Variants in ATP6V0A2 observed in about 807,000 individuals in gnomAD.
The protein encoded by ATP6V0A2 is ATPase H+ transporting V0 subunit a2.
ATP6V0A2 carries 58 observed loss-of-function variants against 104.4 expected under a neutral mutation model. The observed-to-expected ratio is 0.56, with a 90% confidence interval of 0.45 to 0.69. The LOEUF is 0.69. ATP6V0A2 is among the 30% of genes least tolerant of loss of function. The pLI is 0.00. For synonymous variants in ATP6V0A2, 376 were observed against 397.9 expected (o/e 0.95, Z 0.65); for missense variants, 938 against 1,062.9 (o/e 0.88, Z 1.63).
chr12:123,713,198 C>G (rs1025593342), intron 1 of ATP6V0A2, among the ~76,000 whole-genome samples: 1 of 151,964 alleles, frequency 6.6e-6, no homozygotes, highest in Admixed American at 6.6e-5. Context: ...TGGGGAAGAT[C>G]TGGGGAGAGG....
rs1483553812 is a variant in ATP6V0A2, at chr12:123,712,587, G to T, written c.22G>T (p.Glu8Ter). The T allele has an allele frequency of 1.9e-6, 3 of 1,599,286 alleles. No homozygotes were observed. The highest frequency in any genetic ancestry group is 1.3e-5 in the African/African-American group (1 of 74,628). ...CGCCATGGGGTCCCTGTTCCGGAGCGAGACCATGTGCCTGGCGCAGCTCTT... is the reference window on the plus strand; with the variant it reads ...CGCCATGGGGTCCCTGTTCCGGAGCTAGACCATGTGCCTGGCGCAGCTCTT... MGSLFRS[E>*]TMCLAQLFLQ... The change falls in exon 1 of 20, where the codon GAG (glutamate) becomes TAG (stop). Residue 8 changes from glutamate (E) to a stop codon, truncating the protein, a stop_gained. Transcript: ENST00000330342. LOFTEE classifies it high-confidence loss of function.
intron 9 of ATP6V0A2, among the ~76,000 whole-genome samples, chr12:123,739,515 A>T (rs770256875): frequency 6.6e-6 from 1 of 152,110 alleles, no homozygotes; most frequent in Non-Finnish European, 1.5e-5. Flanking sequence ...GATCAGGTAC[A>T]CAGGGGTCTC....
Position 123,751,188 on chromosome 12 carries a change from T to C in ATP6V0A2, c.2014T>C (p.Leu672=), listed in dbSNP as rs367950442. The C allele has an allele frequency of 3.0e-4, 486 of 1,614,218 alleles. 1 individual carries two copies. The Middle Eastern group carries it at 5.3e-3, about 18-fold the overall frequency. Reference sequence around the variant, plus strand: ...CTTCTTGGGAAAGCCACTGTTTTTGTTGTGGCTTCACAATGGGCGTAGTTG... The same window carrying C: ...CTTCTTGGGAAAGCCACTGTTTTTGCTGTGGCTTCACAATGGGCGTAGTTG... ...VLFLGKPLFL[L]WLHNGRSCFG... Residue 672 remains leucine, a synonymous_variant, in exon 16 of 20, where the codon TTG becomes CTG. Transcript: ENST00000330342.
At chr12:123,727,732 A>G (rs1266265102) in intron 5 of ATP6V0A2, 51 bp from the exon 6 acceptor site, 1 of 1,610,654 alleles carries the variant, frequency 6.2e-7, no homozygotes, top group Non-Finnish European at 8.5e-7. Context: ...ATGTAGTTTG[A>G]TAACATTTAT....
rs142794179 is a variant in ATP6V0A2, at chr12:123,748,997, G to A, written c.1935+212G>A. ...GCTGCCACTCAGTAGCCATCAAAAC[G>A]AGTAGGAAGAGGCCAGGCATAGTGG... is the stretch of plus-strand genomic sequence containing the variant. On this transcript the variant is annotated intron_variant, in intron 15 of 19. Coordinates refer to ENST00000330342, the MANE Select transcript of ATP6V0A2 (RefSeq NM_012463.4). Among the ~76,000 whole-genome samples, 34 of 152,252 alleles carry A rather than the reference G, an allele frequency of 2.2e-4. 1 individual carries two copies. The East Asian group carries it at 4.4e-3, about 20-fold the overall frequency.
chr12:123,733,556 G>T (rs919770088), intron 6 of ATP6V0A2: 4 of 303,524 alleles, frequency 1.3e-5, no homozygotes, highest in Admixed American at 4.6e-5. Context: ...TGTTTATACC[G>T]TGAAATCACC....
At position 123,752,289 on chromosome 12, in the gene ATP6V0A2, T is replaced by TA; in HGVS notation, c.2063dup (p.Tyr688Ter). Reference protein sequence around the residue: ...RSCFGVNRSGYTLIRKDSEEE... With the variant: ...RSCFGVNRSG Reference sequence around the variant, plus strand: ...GTGCTCTTTTGGTTGTTAGAGTGGCTACACACTTATAAGGAAAGATAGTGA... The same window carrying TA: ...GTGCTCTTTTGGTTGTTAGAGTGGCTAACACACTTATAAGGAAAGATAGTGA... Residue 688 changes from tyrosine (Y) to a stop codon, truncating the protein, a stop_gained and frameshift_variant, in exon 17 of 20, where the codon TAC (tyrosine) becomes TAAC (stop). Coordinates refer to ENST00000330342, the MANE Select transcript of ATP6V0A2 (RefSeq NM_012463.4). LOFTEE classifies it high-confidence loss of function. 6.2e-7 allele frequency: 1 copy of TA among 1,614,166 alleles called. No homozygotes were observed.
At chr12:123,737,851 A>G (rs1236897696) in intron 9 of ATP6V0A2, among the ~76,000 whole-genome samples, 1 of 152,178 alleles carries the variant, frequency 6.6e-6, no homozygotes, top group African/African-American at 2.4e-5. Context: ...AAATGGCACT[A>G]TTCATACTAT....
intron 7 of ATP6V0A2, among the ~76,000 whole-genome samples, chr12:123,735,157 GTGTGTGTGTC>G (rs1246144052): frequency 1.3e-5 from 2 of 151,078 alleles, no homozygotes; most frequent in East Asian, 3.9e-4. Flanking sequence ...GTGTGTGTGT[GTGTGTGTGTC>G]TGTGTGTGTC....
rs776197829 is a variant in ATP6V0A2, at chr12:123,754,582, C to T, written c.2293+45C>T. The T allele has an allele frequency of 3.7e-6, 5 of 1,355,698 alleles. No homozygotes were observed. In the South Asian group the frequency reaches 5.8e-5, roughly 16 times the overall value. The allele number at this position is 1,355,698 out of a possible 1,614,324, so 84.0% of individuals were successfully genotyped here. A position where few individuals can be genotyped will look rare whatever the true frequency, so the allele number is the denominator to read the frequency against. On this transcript the variant is annotated intron_variant, in intron 18 of 19. Coordinates refer to ENST00000330342, the MANE Select transcript of ATP6V0A2 (RefSeq NM_012463.4). ...TGCAGTTCCCAATGCCCTGTAGTGC[C>T]AGCAGACTCAGGGGGCACTGTGGGA... is the stretch of plus-strand genomic sequence containing the variant.
Position 123,747,656 on chromosome 12 carries a change from T to C in ATP6V0A2, c.1655T>C (p.Met552Thr), listed in dbSNP as rs1465782543. 5.6e-6 allele frequency: 9 copies of C among 1,613,988 alleles called. No homozygotes were observed. Among genetic ancestry groups the C allele is most frequent in the Non-Finnish European group, 7.6e-6 (9 of 1,179,822 alleles). Residue 552 changes from methionine (M) to threonine (T), a missense_variant, in exon 14 of 20, where the codon ATG (methionine) becomes ACG (threonine). Transcript: ENST00000330342. ...NRLTFLNSFK[M>T]KMSVILGIIH... ...CTCACTTTTCTAAACTCTTTCAAAA[T>C]GAAAATGTCCGTGATTTTAGGAATC... is the stretch of plus-strand genomic sequence containing the variant.
chr12:123,714,370 A>G (rs1956320499), intron 1 of ATP6V0A2, among the ~76,000 whole-genome samples: 1 of 152,194 alleles, frequency 6.6e-6, no homozygotes, highest in Admixed American at 6.5e-5. Context: ...GTGTGTCTTC[A>G]GCCTGAGTTT....
chr12:123,754,784 TAA>T, intron 18 of ATP6V0A2: 1 of 478,142 alleles, frequency 2.1e-6, no homozygotes, highest in Non-Finnish European at 3.8e-6. Flanking sequence ...CTGCCCAATT[TAA>T]AAAAAAAATC....
At chr12:123,713,958 A>C (rs1015602839) in intron 1 of ATP6V0A2, among the ~76,000 whole-genome samples, 1 of 152,172 alleles carries the variant, frequency 6.6e-6, no homozygotes, top group African/African-American at 2.4e-5. Context: ...GCGAGGGTGC[A>C]GGTAAGATGC....
intron 9 of ATP6V0A2, among the ~76,000 whole-genome samples, chr12:123,740,196 C>T (rs1956595200): frequency 7.9e-6 from 1 of 126,158 alleles, no homozygotes; most frequent in Non-Finnish European, 1.6e-5. Context: ...GAATGTCTCT[C>T]TCTCTCTCTT....
chr12:123,733,689 G>A (rs781637404), intron 6 of ATP6V0A2: 17 of 526,076 alleles, frequency 3.2e-5, no homozygotes, highest in Non-Finnish European at 5.1e-5. Context: ...ACCTGGGAAC[G>A]CGGGTGTCGG....
At position 123,712,691 on chromosome 12, in the gene ATP6V0A2, C is replaced by G; in HGVS notation, c.117+9C>G. ...TGGTCCAGTTCCGAGACGTGAGTGTCGCCCGGGAGACGCGGGCCGCACCTG... is the reference window on the plus strand; with the variant it reads ...TGGTCCAGTTCCGAGACGTGAGTGTGGCCCGGGAGACGCGGGCCGCACCTG... On this transcript the variant is annotated intron_variant, in intron 1 of 19. Coordinates refer to ENST00000330342, the MANE Select transcript of ATP6V0A2 (RefSeq NM_012463.4). 3 of 1,604,924 alleles carry G rather than the reference C, an allele frequency of 1.9e-6. No individual in the cohort carries two copies. The highest frequency in any genetic ancestry group is 2.6e-6 in the Non-Finnish European group (3 of 1,174,928).
At chr12:123,743,567 C>T (rs1206035718) in intron 9 of ATP6V0A2, among the ~76,000 whole-genome samples, 2 of 151,994 alleles carry the variant, frequency 1.3e-5, no homozygotes, top group African/African-American at 4.8e-5. Flanking sequence ...GCAGGGGAAT[C>T]GCTTGAGCCT....
chr12:123,748,721 TG>T lies in ATP6V0A2; in HGVS notation c.1872del (p.Ile625LeufsTer59). ...ACCTCCAGAGTTGCTCCCAGCATTC[TG>T]ATTGAATTTATTAACATGTTTTTAT... Reference protein sequence around the residue: ...AETSRVAPSILIEFINMFLFP... With the variant: ...AETSRVAPSIXIEFINMFLFP... On this transcript the variant is annotated frameshift_variant, in exon 15 of 20. Transcript: ENST00000330342. LOFTEE classifies it high-confidence loss of function. The T allele has an allele frequency of 6.2e-7, 1 of 1,614,242 alleles. No homozygotes were observed. The highest frequency in any genetic ancestry group is 8.5e-7 in the Non-Finnish European group (1 of 1,180,046).
Sources: allele counts gnomAD v4.1 joint callset (sites outside exome capture counted in the v4.1 genomes callset), GRCh38; gene constraint gnomAD v4.1.1; transcripts MANE v1.5; gene names NCBI Gene and HGNC (gene_info 2026-07-23, HGNC 2026-07-21).